CCDC40: variants seen among roughly 807,000 people sequenced by gnomAD.
The protein encoded by CCDC40 is coiled-coil domain 40 molecular ruler complex subunit.
CCDC40 carries 104 observed loss-of-function variants against 124.5 expected under a neutral mutation model. That is an observed-to-expected ratio of 0.84 (90% CI 0.71 to 0.98). CCDC40 has a LOEUF of 0.98. CCDC40 is among the 50% of genes least tolerant of loss of function. The probability of loss-of-function intolerance (pLI) is 0.00; values close to 1 mark genes in which losing one functional copy is unlikely to be tolerated. For synonymous variants in CCDC40, 580 were observed against 602.9 expected (o/e 0.96, Z 0.56); for missense variants, 1,463 against 1,503.9 (o/e 0.97, Z 0.45).
At chr17:80,050,968 C>T (rs1049579684) in intron 7 of CCDC40, among the ~76,000 whole-genome samples, 4 of 152,100 alleles carry the variant, frequency 2.6e-5, no homozygotes, top group East Asian at 1.9e-4. Flanking sequence ...AGGGCCTGAC[C>T]GCCGTAGGAT....
chr17:80,095,727 T>C (rs1390375578), intron 18 of CCDC40, among the ~76,000 whole-genome samples: 1 of 152,212 alleles, frequency 6.6e-6, no homozygotes, highest in East Asian at 1.9e-4. Flanking sequence ...CTGCTGCTGC[T>C]ACGGGGCCTG....
chr17:80,085,033 G>A (rs745518786), intron 13 of CCDC40, 45 bp downstream of exon 13: 3 of 1,606,352 alleles, frequency 1.9e-6, no homozygotes, highest in Non-Finnish European at 2.5e-6. Context: ...TGACTGTGGT[G>A]CCTGGTGGGG....
At chr17:80,088,535 A>G (rs2143756203) in intron 16 of CCDC40, 1 of 280,988 alleles carries the variant, frequency 3.6e-6, no homozygotes, top group South Asian at 3.5e-5. Context: ...TACATTCATG[A>G]GCCACCGTGC....
chr17:80,078,356 A>G (rs1242052675), intron 10 of CCDC40, among the ~76,000 whole-genome samples: 2 of 151,200 alleles, frequency 1.3e-5, no homozygotes, highest in Admixed American at 1.3e-4. Context: ...AAAAGGAAAG[A>G]AAAAGAAATG....
intron 13 of CCDC40, among the ~76,000 whole-genome samples, chr17:80,085,264 G>A (rs1011112382): frequency 1.3e-5 from 2 of 152,244 alleles, no homozygotes; most frequent in African/African-American, 2.4e-5. Context: ...TAGGTAAAAC[G>A]TAAAGGAATG....
chr17:80,043,003 C>T (rs1261255838), intron 3 of CCDC40, among the ~76,000 whole-genome samples: 2 of 152,118 alleles, frequency 1.3e-5, no homozygotes, highest in African/African-American at 4.8e-5. Flanking sequence ...AGCAACCCCG[C>T]ATTCTGAGAT....
At chr17:80,078,472 G>A (rs1012923997) in intron 10 of CCDC40, among the ~76,000 whole-genome samples, 1 of 152,106 alleles carries the variant, frequency 6.6e-6, no homozygotes, top group Admixed American at 6.6e-5. Flanking sequence ...TGGTATGAGC[G>A]GGGTCCAGGC....
rs2143748275 is a variant in CCDC40 at position 80,086,003 on chromosome 17, G to A, written c.2236G>A (p.Gly746Arg). 3 of 1,613,910 alleles carry A rather than the reference G, an allele frequency of 1.9e-6. No homozygotes were observed. Among genetic ancestry groups the A allele is most frequent in the Non-Finnish European group, 1.7e-6 (2 of 1,179,960 alleles). Residue 746 changes from glycine (G) to arginine (R), a missense_variant and splice_region_variant, in exon 14 of 20, where the codon GGG becomes AGG. Gly to Arg is a moderately radical substitution (Grantham distance 125). Coordinates refer to ENST00000397545, the MANE Select transcript of CCDC40 (RefSeq NM_017950.4). This position sits in a 1 kb window ranked among gnomAD's most constrained non-coding sequence, Gnocchi z 5.5. ...QLERMVSELG[G>R]EEVGPLELEI... is the part of the protein sequence containing the mutation. ...GCTTTTTGATGAATATCCGGTCTAG[G>A]GGGAAGAAGTGGGGCCCCTGGAGCT... is the stretch of plus-strand genomic sequence containing the variant.
At chr17:80,048,876 C>T (rs1319749553) in intron 5 of CCDC40, 115 bp downstream of exon 5, 3 of 928,944 alleles carry the variant, frequency 3.2e-6, no homozygotes, top group East Asian at 2.6e-5. Flanking sequence ...ACTTGTATCT[C>T]GCCTGTTCAC....
At chr17:80,075,653 A>G (rs924977825) in intron 10 of CCDC40, among the ~76,000 whole-genome samples, 4 of 151,842 alleles carry the variant, frequency 2.6e-5, no homozygotes, top group African/African-American at 9.7e-5. Flanking sequence ...TAATTTTTGT[A>G]TTTTTAGTAG....
rs2037796794 is a variant in CCDC40 at position 80,058,056 on chromosome 17, A to G, written c.1160-438A>G. Among the ~76,000 whole-genome samples the G allele has an allele frequency of 6.6e-6, 1 of 152,114 alleles. No individual in the cohort carries two copies. Among genetic ancestry groups the G allele is most frequent in the African/African-American group, 2.4e-5 (1 of 41,432 alleles). On this transcript the variant is annotated intron_variant, in intron 7 of 19. Transcript: ENST00000397545. This position sits in a 1 kb window ranked among gnomAD's most constrained non-coding sequence, Gnocchi z 4.2. ...CACTGCTGTGCAGCGGTGTCAGTGCAGGGGCATCTGTGGAGCTCAGCCTGC... is the reference window on the plus strand; with the variant it reads ...CACTGCTGTGCAGCGGTGTCAGTGCGGGGGCATCTGTGGAGCTCAGCCTGC...
chr17:80,074,915 G>A (rs752747312), intron 10 of CCDC40, among the ~76,000 whole-genome samples: 4 of 151,942 alleles, frequency 2.6e-5, no homozygotes, highest in Non-Finnish European at 4.4e-5. Flanking sequence ...ATGAGAGGAG[G>A]TCAAAATATT....
chr17:80,088,669 T>C (rs2038640217), intron 16 of CCDC40, among the ~76,000 whole-genome samples: 1 of 152,192 alleles, frequency 6.6e-6, no homozygotes, highest in Non-Finnish European at 1.5e-5. Context: ...TGGCCAGGCA[T>C]GGTGGTGCAT....
chr17:80,038,906 A>G (rs1321642201), intron 2 of CCDC40, among the ~76,000 whole-genome samples: 2 of 152,254 alleles, frequency 1.3e-5, no homozygotes, highest in African/African-American at 4.8e-5. Context: ...TGATGACATT[A>G]TCTTGCACCA....
At chr17:80,051,661 A>G (rs934571906) in intron 7 of CCDC40, among the ~76,000 whole-genome samples, 1 of 150,166 alleles carries the variant, frequency 6.7e-6, no homozygotes, top group Non-Finnish European at 1.5e-5. Context: ...AAAAGAAAAA[A>G]GAACCTCTCT....
intron 17 of CCDC40, chr17:80,090,841 G>C: frequency 8.6e-7 from 1 of 1,157,668 alleles, no homozygotes; most frequent in Non-Finnish European, 1.1e-6. Flanking sequence ...CCTCTGCTGA[G>C]TTATTTTTCA....
chr17:80,098,269 C>A (rs1173267299), intron 19 of CCDC40, among the ~76,000 whole-genome samples: 1 of 152,190 alleles, frequency 6.6e-6, no homozygotes, highest in African/African-American at 2.4e-5. Flanking sequence ...CTGTGTGCGG[C>A]CTTAGGGAGA....
chr17:80,095,389 A>G lies in CCDC40; in HGVS notation c.2959A>G (p.Thr987Ala), dbSNP rs1454217783. ...GQRKMDRKAL[T>A]RTDFHHKQLE... The stretch of plus-strand genomic sequence containing the variant: ...GCGCAAGATGGACAGGAAGGCGCTC[A>G]CCCGCACCGACTTCCACCACAAGCA... Residue 987 changes from threonine (T) to alanine (A), a missense_variant, in exon 18 of 20, where the codon ACC becomes GCC. Transcript: ENST00000397545. 6.2e-7 allele frequency: 1 copy of G among 1,614,082 alleles called. No individual in the cohort carries two copies. Among genetic ancestry groups the G allele is most frequent in the South Asian group, 1.1e-5 (1 of 91,092 alleles).
At chr17:80,051,217 C>A in intron 7 of CCDC40, 1 of 498,640 alleles carries the variant, frequency 2.0e-6, no homozygotes, top group Non-Finnish European at 2.6e-6. Context: ...CTACACAAAC[C>A]TGGAGGAAAA....
Sources: allele counts gnomAD v4.1 joint callset (sites outside exome capture counted in the v4.1 genomes callset), GRCh38; gene constraint gnomAD v4.1.1; non-coding constraint Gnocchi (gnomAD v3.1); transcripts MANE v1.5; gene names NCBI Gene and HGNC (gene_info 2026-07-23, HGNC 2026-07-21).